The following GALNT13 variants were observed in gnomAD, a reference collection of about 807,000 sequenced individuals.
GALNT13 encodes the protein UDP-GalNAc:polypeptide N-acetylgalactosaminyltransferase 13.
Under a neutral mutation model 64.2 loss-of-function variants are expected in GALNT13, and 28 were observed. That is an observed-to-expected ratio of 0.44 (90% CI 0.32 to 0.60). The LOEUF is 0.60. Ranked by LOEUF, GALNT13 falls within the 20% of genes least tolerant of loss-of-function variation. The pLI is 0.05. For missense variants in GALNT13, 577 were observed against 669.8 expected (o/e 0.86, Z 1.53); for synonymous variants, 214 against 224.6 (o/e 0.95, Z 0.42).
chr2:154,056,185 G>A (rs915259885), intron 3 of GALNT13, among the ~76,000 whole-genome samples: 6 of 152,088 alleles, frequency 3.9e-5, no homozygotes, highest in African/African-American at 1.4e-4. Flanking sequence ...CTGGGTAAAA[G>A]ATAATTGGAA....
chr2:153,903,428 C>A lies in GALNT13; in HGVS notation c.-105+2421C>A, dbSNP rs113578806. On this transcript the variant is annotated intron_variant, in intron 2 of 12. Coordinates refer to ENST00000392825, the MANE Select transcript of GALNT13 (RefSeq NM_052917.4). ...TTTTGCCATTACTTTGCAAAAACTGCAATTACTTTTGCATCAACCTAATAT... is the reference window on the plus strand; with the variant it reads ...TTTTGCCATTACTTTGCAAAAACTGAAATTACTTTTGCATCAACCTAATAT... Among the ~76,000 whole-genome samples the A allele has an allele frequency of 2.7e-3, 409 of 152,052 alleles. 1 individual carries two copies. Among genetic ancestry groups the A allele is most frequent in the African/African-American group, 9.3e-3 (386 of 41,506 alleles).
chr2:154,032,395 AAGG>A (rs1408090060), intron 3 of GALNT13, among the ~76,000 whole-genome samples: 72 of 152,002 alleles, frequency 4.7e-4, no homozygotes, highest in Non-Finnish European at 3.5e-4. Context: ...CACTTCCCGA[AAGG>A]AGAAGTAGCA....
the GALNT13 span, among the ~76,000 whole-genome samples, chr2:153,255,069 T>G: frequency 6.6e-6 from 1 of 152,096 alleles, no homozygotes; most frequent in African/African-American, 2.4e-5. Flanking sequence ...GACAGCGGGG[T>G]GTGAAAGTCT....
chr2:153,439,794 C>A, the GALNT13 span, among the ~76,000 whole-genome samples: 2 of 152,112 alleles, frequency 1.3e-5, no homozygotes, highest in South Asian at 2.1e-4. Flanking sequence ...TTCCCTGCTT[C>A]GGCTCACACA....
chr2:153,596,704 G>A, the GALNT13 span, among the ~76,000 whole-genome samples: 1 of 151,902 alleles, frequency 6.6e-6, no homozygotes, highest in South Asian at 2.1e-4. Flanking sequence ...CATAATGCTG[G>A]AAAACTCTAA....
intron 3 of GALNT13, among the ~76,000 whole-genome samples, chr2:154,115,290 CTA>C (rs1558966134): frequency 6.6e-6 from 1 of 151,942 alleles, no homozygotes; most frequent in Non-Finnish European, 1.5e-5. Context: ...TTATTTTTAT[CTA>C]TTTTTATTAT....
intron 3 of GALNT13, among the ~76,000 whole-genome samples, chr2:153,979,698 A>G (rs899529909): frequency 1.3e-5 from 2 of 152,332 alleles, no homozygotes; most frequent in Admixed American, 1.3e-4. Context: ...TAAAACATTT[A>G]TAAGTATGAT....
the GALNT13 span, among the ~76,000 whole-genome samples, chr2:153,181,357 CAA>C: frequency 1.4e-5 from 2 of 144,782 alleles, no homozygotes; most frequent in African/African-American, 5.1e-5. Flanking sequence ...CCATTACTGT[CAA>C]AAAAAAAAGG....
At chr2:153,672,542 C>T in the GALNT13 span, among the ~76,000 whole-genome samples, 8 of 152,176 alleles carry the variant, frequency 5.3e-5, no homozygotes, top group Non-Finnish European at 1.2e-4. Context: ...CTCTGGGACA[C>T]AGCTAAAGCA....
At chr2:154,020,295 A>T (rs1697354158) in intron 3 of GALNT13, among the ~76,000 whole-genome samples, 1 of 152,158 alleles carries the variant, frequency 6.6e-6, no homozygotes, top group African/African-American at 2.4e-5. Flanking sequence ...ACAATGGTTG[A>T]ACTAGTTTAC....
chr2:153,335,404 G>A, the GALNT13 span, among the ~76,000 whole-genome samples: 1 of 152,210 alleles, frequency 6.6e-6, no homozygotes, highest in Non-Finnish European at 1.5e-5. Flanking sequence ...AAATTCTATG[G>A]TGATATGGAC....
chr2:153,997,906 T>G (rs372842335), intron 3 of GALNT13, among the ~76,000 whole-genome samples: 133 of 152,274 alleles, frequency 8.7e-4, no homozygotes, highest in African/African-American at 3.2e-3. Context: ...TGGTTTTCTT[T>G]TCTTGTGTTA....
At chr2:153,418,384 A>C in the GALNT13 span, among the ~76,000 whole-genome samples, 4 of 152,190 alleles carry the variant, frequency 2.6e-5, no homozygotes, top group Admixed American at 6.5e-5. Flanking sequence ...GTGTTGCTTT[A>C]AACCACTAAG....
intron 9 of GALNT13, among the ~76,000 whole-genome samples, chr2:154,336,817 A>G (rs969609053): frequency 6.6e-6 from 1 of 151,984 alleles, no homozygotes; most frequent in Non-Finnish European, 1.5e-5. Context: ...TTAACTTAGC[A>G]CTCTCTCTGC....
intron 1 of GALNT13, among the ~76,000 whole-genome samples, chr2:153,895,011 A>G (rs985712489): frequency 6.6e-6 from 1 of 152,152 alleles, no homozygotes; most frequent in African/African-American, 2.4e-5. Context: ...ATTTGTAATA[A>G]TCTCCATAAT....
chr2:154,227,646 C>T (rs1021959081), intron 4 of GALNT13, among the ~76,000 whole-genome samples: 3 of 151,480 alleles, frequency 2.0e-5, no homozygotes, highest in Admixed American at 6.6e-5. Context: ...CATGTCCCTA[C>T]GAAGGACATG....
the GALNT13 span, among the ~76,000 whole-genome samples, chr2:153,849,353 T>C: frequency 6.6e-6 from 1 of 152,186 alleles, no homozygotes; most frequent in Non-Finnish European, 1.5e-5. Context: ...AATAAGACTA[T>C]AATGTCTGCT....
Position 154,010,851 on chromosome 2 carries a change from A to C in GALNT13, c.142+66212A>C, listed in dbSNP as rs149031927. 2.7e-3 allele frequency among the ~76,000 whole-genome samples: 411 copies of C among 151,908 alleles called. 2 individuals carry two copies. The highest frequency in any genetic ancestry group is 8.9e-3 in the South Asian group (43 of 4,824). On this transcript the variant is annotated intron_variant, in intron 3 of 12. Coordinates refer to ENST00000392825, the MANE Select transcript of GALNT13 (RefSeq NM_052917.4). ...TTCAATGGAATATTATATATTTCTT[A>C]TATCTTTTTTAGTTTGCATCTATAG... is the stretch of plus-strand genomic sequence containing the variant.
chr2:153,169,181 A>T, the GALNT13 span, among the ~76,000 whole-genome samples: 1 of 152,216 alleles, frequency 6.6e-6, no homozygotes, highest in Non-Finnish European at 1.5e-5. Flanking sequence ...TGCCTAGGTC[A>T]ATAGCATAAT....
Sources: gnomAD v4.1 joint callset for allele counts (sites outside exome capture counted in the v4.1 genomes callset) on GRCh38, gnomAD v4.1.1 for gene constraint, MANE v1.5 for transcripts, NCBI Gene and HGNC (gene_info 2026-07-23, HGNC 2026-07-21) for gene names.